The following PTPRZ1 variants were observed in gnomAD, a reference collection of about 807,000 sequenced individuals.
The protein encoded by PTPRZ1 is receptor-type tyrosine-protein phosphatase zeta.
In PTPRZ1, 82 loss-of-function variants were observed where a neutral mutation model predicts 214.1. The observed-to-expected ratio is 0.38, with a 90% confidence interval of 0.32 to 0.46. The LOEUF (loss-of-function observed/expected upper bound fraction) is 0.46, where lower values mean the gene tolerates loss of function less well. Among genes scored for constraint, PTPRZ1 ranks in the 20% least tolerant of loss-of-function variants. The pLI is 1.00. For missense variants in PTPRZ1, 2,603 were observed against 2,748.7 expected (o/e 0.95, Z 1.19); for synonymous variants, 945 against 987.9 (o/e 0.96, Z 0.81).
intron 13 of PTPRZ1, among the ~76,000 whole-genome samples, chr7:122,024,942 C>A (rs867352100): frequency 1.3e-5 from 2 of 152,206 alleles, no homozygotes; most frequent in Non-Finnish European, 2.9e-5. Flanking sequence ...TATATCTTAT[C>A]TCTCCTTCCA....
At chr7:121,893,105 G>A (rs1563004470) in intron 1 of PTPRZ1, among the ~76,000 whole-genome samples, 1 of 151,924 alleles carries the variant, frequency 6.6e-6, no homozygotes, top group Admixed American at 6.6e-5. Context: ...GGAAGAGAGA[G>A]GTGTACATTT....
rs1369922360 is a variant in PTPRZ1 at position 121,956,575 on chromosome 7, C to G, written c.125-11376C>G. Among the ~76,000 whole-genome samples the G allele has an allele frequency of 2.6e-5, 4 of 152,350 alleles. No individual in the cohort carries two copies. The East Asian group carries it at 7.7e-4, about 29-fold the overall frequency. On this transcript the variant is annotated intron_variant, in intron 2 of 29. Transcript: ENST00000393386. ...TATTTGAAGATTCACAATCTAGAAACATAACCACTGCTCTTTTGAGGCACG... is the reference window on the plus strand; with the variant it reads ...TATTTGAAGATTCACAATCTAGAAAGATAACCACTGCTCTTTTGAGGCACG...
intron 2 of PTPRZ1, among the ~76,000 whole-genome samples, chr7:121,936,550 G>A (rs1049542920): frequency 2.0e-5 from 3 of 152,226 alleles, no homozygotes; most frequent in African/African-American, 7.2e-5. Flanking sequence ...TTTTACACAG[G>A]TTGTGGAGGT....
At chr7:121,960,463 T>C (rs1796840454) in intron 2 of PTPRZ1, among the ~76,000 whole-genome samples, 1 of 152,234 alleles carries the variant, frequency 6.6e-6, no homozygotes, top group African/African-American at 2.4e-5. Context: ...CTATGTATAC[T>C]GTTATTAAAA....
intron 1 of PTPRZ1, among the ~76,000 whole-genome samples, chr7:121,894,498 C>T (rs747884416): frequency 2.6e-5 from 4 of 152,066 alleles, no homozygotes; most frequent in African/African-American, 7.2e-5. Flanking sequence ...CTCCACCTCC[C>T]GGGCTCAAGT....
Position 122,010,579 on chromosome 7 carries a change from C to G in PTPRZ1, c.1533C>G (p.Ala511=). Residue 511 remains alanine, a synonymous_variant, in exon 12 of 30, where the codon GCC becomes GCG. Coordinates refer to ENST00000393386, the MANE Select transcript of PTPRZ1 (RefSeq NM_002851.3). The part of the protein sequence containing the change: ...NSTSQPVTKL[A]TEKDISLTSQ... ...CTTCCCAACCAGTCACTAAATTAGC[C>G]ACAGAAAAAGATATTTCCTTGACTT... 1 of 1,613,436 alleles carries G rather than the reference C, an allele frequency of 6.2e-7. No homozygotes were observed. Among genetic ancestry groups the G allele is most frequent in the Non-Finnish European group, 8.5e-7 (1 of 1,179,414 alleles).
intron 2 of PTPRZ1, among the ~76,000 whole-genome samples, chr7:121,947,456 A>C (rs895054294): frequency 6.6e-6 from 1 of 152,184 alleles, no homozygotes; most frequent in South Asian, 2.1e-4. Flanking sequence ...AGAGCTCACA[A>C]ATATGAGCCT....
intron 3 of PTPRZ1, among the ~76,000 whole-genome samples, chr7:121,968,786 T>C (rs550073435): frequency 2.6e-5 from 4 of 152,216 alleles, no homozygotes; most frequent in Admixed American, 2.0e-4. Flanking sequence ...TGGGAAATTA[T>C]GTAAAGGCAA....
At chr7:121,897,697 A>G (rs1281770041) in intron 1 of PTPRZ1, among the ~76,000 whole-genome samples, 4 of 152,176 alleles carry the variant, frequency 2.6e-5, no homozygotes, top group African/African-American at 9.6e-5. Flanking sequence ...ATCTCACAGC[A>G]TTACTCTACC....
At chr7:121,913,025 A>G (rs1447699682) in intron 1 of PTPRZ1, among the ~76,000 whole-genome samples, 1 of 152,224 alleles carries the variant, frequency 6.6e-6, no homozygotes, top group East Asian at 1.9e-4. Context: ...GGTGTTGAAT[A>G]TGCAGCAGGG....
At chr7:121,915,233 G>C (rs529134630) in intron 1 of PTPRZ1, among the ~76,000 whole-genome samples, 34 of 152,238 alleles carry the variant, frequency 2.2e-4, no homozygotes, top group Non-Finnish European at 3.8e-4. Flanking sequence ...ACATTCTCCA[G>C]CTACTGTATT....
In PTPRZ1 at chr7:121,962,322, C is replaced by T. The variant is rs1224584351; in HGVS notation, c.125-5629C>T. Among the ~76,000 whole-genome samples, 6 of 151,694 alleles carry T rather than the reference C, an allele frequency of 4.0e-5. No individual in the cohort carries two copies. In the East Asian group the frequency reaches 1.2e-3, roughly 30 times the overall value. ...AGTTAGCTGGGCGTGGTGGCACTTG[C>T]CTGTAATCCCAGCTACTCAGGAGGC... On this transcript the variant is annotated intron_variant, in intron 2 of 29. Transcript: ENST00000393386.
At chr7:121,970,718 G>A (rs1399713341) in intron 3 of PTPRZ1, among the ~76,000 whole-genome samples, 1 of 152,098 alleles carries the variant, frequency 6.6e-6, no homozygotes, top group Non-Finnish European at 1.5e-5. Context: ...TGTCAGATGA[G>A]TAGATTGCAA....
chr7:121,995,134 T>G (rs552854135), intron 8 of PTPRZ1, among the ~76,000 whole-genome samples: 1 of 152,322 alleles, frequency 6.6e-6, no homozygotes, highest in South Asian at 2.1e-4. Context: ...GTAAGACCAA[T>G]TGTTAGTTGT....
intron 1 of PTPRZ1, among the ~76,000 whole-genome samples, chr7:121,883,703 T>A (rs1794307614): frequency 6.6e-6 from 1 of 152,212 alleles, no homozygotes; most frequent in South Asian, 2.1e-4. Flanking sequence ...CTTGGCTCAC[T>A]GCAACCTCCA....
Position 122,013,869 on chromosome 7 carries a change from T to A in PTPRZ1, c.4823T>A (p.Val1608Glu). ...TCTGTTACTAGCGAGAACTCAGAAG[T>A]GTTCCACGTTTCAGAGGCAGGTTAG... is the stretch of plus-strand genomic sequence containing the variant. ...TSSVTSENSE[V>E]FHVSEAEASN... Residue 1608 changes from valine to glutamate, a missense_variant, in exon 12 of 30, where the codon GTG becomes GAG. Transcript: ENST00000393386. 1 of 1,608,172 alleles carries A rather than the reference T, an allele frequency of 6.2e-7. No individual in the cohort carries two copies. The highest frequency in any genetic ancestry group is 1.1e-5 in the South Asian group (1 of 90,236).
In PTPRZ1 at chr7:121,996,368, T is replaced by C. The variant is rs746209626; in HGVS notation, c.929-14T>C. ...CTAAGTTCTATCAACAACTGTACTT[T>C]TTTCTCTCTGAAGTTTGTAGTTCAG... On this transcript the variant is annotated splice_polypyrimidine_tract_variant and intron_variant, in intron 8 of 29. Transcript: ENST00000393386. The C allele has an allele frequency of 1.9e-6, 3 of 1,572,858 alleles. No individual in the cohort carries two copies. The highest frequency in any genetic ancestry group is 1.8e-5 in the Admixed American group (1 of 55,820).
At position 122,034,378 on chromosome 7, in the gene PTPRZ1, T is replaced by G; in HGVS notation, c.5284T>G (p.Tyr1762Asp). The G allele has an allele frequency of 1.2e-6, 2 of 1,611,366 alleles. No individual in the cohort carries two copies. The highest frequency in any genetic ancestry group is 1.1e-5 in the South Asian group (1 of 90,858). Residue 1762 changes from tyrosine to aspartate, a missense_variant and splice_region_variant, in exon 17 of 30, where the codon TAT (tyrosine) becomes GAT (aspartate). This residue lies in a region of PTPRZ1 where 1,913 missense variants were observed against 1,914.3 expected (regional missense o/e 1.00). Coordinates refer to ENST00000393386, the MANE Select transcript of PTPRZ1 (RefSeq NM_002851.3). ...GAATCGATACATAAATATCGTTGCC[T>G]GTAAGTATATTCTTAAATCAGCTCT... ...HKNRYINIVA[Y>D]DHSRVKLAQL...
At chr7:121,971,689 C>T (rs1156917576) in intron 3 of PTPRZ1, among the ~76,000 whole-genome samples, 1 of 152,088 alleles carries the variant, frequency 6.6e-6, no homozygotes, top group East Asian at 1.9e-4. Context: ...CATGGTACAT[C>T]GTAAGTGATA....
Sources: gnomAD v4.1 joint callset for allele counts (sites outside exome capture counted in the v4.1 genomes callset) on GRCh38, gnomAD v4.1.1 for gene constraint, gnomAD v4.1.1 regional missense constraint, MANE v1.5 for transcripts, NCBI Gene and HGNC (gene_info 2026-07-23, HGNC 2026-07-21) for gene names.